RNASE11: variants seen among roughly 807,000 people sequenced by gnomAD.
RNASE11 encodes the protein ribonuclease A family member 11 (inactive).
For synonymous variants in RNASE11, 105 were observed against 86.1 expected, an observed-to-expected ratio of 1.22 and a Z score of -1.21; for missense variants, 252 against 237.8, an observed-to-expected ratio of 1.06 and a Z score of -0.39.
exon 1 of RNASE11, chr14:20,587,714 CATGAG>C (rs1884465444): frequency 1.0e-6 from 1 of 985,266 alleles, no homozygotes; most frequent in Admixed American, 6.2e-5. Flanking sequence ...TGGAAGAAGC[CATGAG>C]ATGAGTAAGC....
At chr14:20,587,678 C>T (rs1305467410) in exon 1 of RNASE11, 3 of 985,190 alleles carry the variant, frequency 3.0e-6, no homozygotes, top group African/African-American at 3.5e-5. Flanking sequence ...GAAAATGAAA[C>T]TCAGCTGAAA....
chr14:20,584,039 T>A (rs776369266), exon 2 of RNASE11: 1 of 1,614,202 alleles, frequency 6.2e-7, no homozygotes, highest in East Asian at 2.2e-5. Context: ...TCACAGCAGC[T>A]TATGCCAGGA....
At chr14:20,584,957 A>G in intron 1 of RNASE11, 1 of 514,796 alleles carries the variant, frequency 1.9e-6, no homozygotes, top group Non-Finnish European at 2.5e-6. Context: ...AAAATAAAAC[A>G]CACATTGCCA....
At chr14:20,587,778 C>T, upstream of RNASE11, 1 of 985,478 alleles carries the variant, frequency 1.0e-6, no homozygotes, top group African/African-American at 1.7e-5. Context: ...CGATTATCCC[C>T]CAACGCCCCC....
chr14:20,589,749 C>T (rs564950222), upstream of RNASE11, among the ~76,000 whole-genome samples: 3 of 151,824 alleles, frequency 2.0e-5, no homozygotes, highest in Non-Finnish European at 4.4e-5. Context: ...CAGCCGGGCG[C>T]GGTGGCACAT....
chr14:20,584,532 A>G, intron 1 of RNASE11, 36 bp from the exon 3 acceptor site: 1 of 1,491,464 alleles, frequency 6.7e-7, no homozygotes, highest in Non-Finnish European at 8.9e-7. Context: ...ATAAAATAAG[A>G]AGATTAAAGA....
exon 2 of RNASE11, chr14:20,583,926 CACTGTCAAT>C: frequency 3.7e-6 from 6 of 1,614,006 alleles, no homozygotes; most frequent in Non-Finnish European, 5.1e-6. Context: ...GACCTGTCAG[CACTGTCAAT>C]ATCTTCTCTA....
chr14:20,583,971 C>T, exon 2 of RNASE11: 2 of 1,614,174 alleles, frequency 1.2e-6, no homozygotes, highest in Admixed American at 1.7e-5. Context: ...GGTATTGGCA[C>T]CTGGGGAATT....
At chr14:20,587,676 A>G (rs1244672803) in exon 1 of RNASE11, 5 of 985,400 alleles carry the variant, frequency 5.1e-6, no homozygotes, top group Non-Finnish European at 6.0e-6. Flanking sequence ...TAGAAAATGA[A>G]ACTCAGCTGA....
intron 1 of RNASE11, 126 bp from the exon 3 acceptor site, chr14:20,584,622 G>T: frequency 1.5e-6 from 1 of 648,768 alleles, no homozygotes; most frequent in South Asian, 2.6e-5. Context: ...TCTGTGAATG[G>T]AACTATGATA....
At chr14:20,589,842 G>A (rs1361610142), upstream of RNASE11, among the ~76,000 whole-genome samples, 2 of 152,040 alleles carry the variant, frequency 1.3e-5, no homozygotes, top group African/African-American at 4.8e-5. Context: ...AGCCGAGATC[G>A]TGCCATTGCA....
chr14:20,589,165 C>CAT (rs10687252), upstream of RNASE11, among the ~76,000 whole-genome samples: 54,585 of 151,786 alleles, frequency 0.36, 10,112 homozygotes, highest in African/African-American at 0.44. Flanking sequence ...CCCTGCACTA[C>CAT]GTTTCTCACA....
chr14:20,583,997 A>G (rs200795932), exon 2 of RNASE11: 9 of 1,614,054 alleles, frequency 5.6e-6, no homozygotes, highest in Non-Finnish European at 7.6e-6. Flanking sequence ...CCTGTAGTGA[A>G]CTGGCACACT....
At chr14:20,588,693 A>G (rs1884488565), upstream of RNASE11, among the ~76,000 whole-genome samples, 1 of 152,230 alleles carries the variant, frequency 6.6e-6, no homozygotes, top group Non-Finnish European at 1.5e-5. Flanking sequence ...GCTGAGGTTA[A>G]TGAGACACTC....
At chr14:20,584,423 C>T in exon 2 of RNASE11, 1 of 1,612,656 alleles carries the variant, frequency 6.2e-7, no homozygotes, top group Non-Finnish European at 8.5e-7. Context: ...CTTTCTGATG[C>T]TTCTGCAAGA....
chr14:20,584,547 G>GAAAGAAC, intron 1 of RNASE11, 51 bp from the exon 3 acceptor site: 1 of 1,435,066 alleles, frequency 7.0e-7, no homozygotes, highest in Non-Finnish European at 9.2e-7. Context: ...TAAAGAGGTA[G>GAAAGAAC]TTCTTTCTTC....
At chr14:20,584,857 G>A (rs1884402993) in intron 1 of RNASE11, among the ~76,000 whole-genome samples, 1 of 152,104 alleles carries the variant, frequency 6.6e-6, no homozygotes, top group African/African-American at 2.4e-5. Context: ...TCCATGGTGG[G>A]TCACGATTCT....
upstream of RNASE11, chr14:20,590,062 C>T: frequency 4.4e-6 from 4 of 906,344 alleles, no homozygotes; most frequent in Non-Finnish European, 6.3e-6. Context: ...AAAATGGAAA[C>T]ACATGTAGAA....
In RNASE11 at chr14:20,587,610, G is replaced by A; in HGVS notation, c.-70C>T. The stretch of plus-strand genomic sequence containing the variant: ...CAGATGCTGAGGGCTCTGTTTACCT[G>A]GTGACACCCAAAATTCTATGGAGAC... On this transcript the variant is annotated 5_prime_UTR_variant, in exon 1 of 2. The change creates a premature stop within an existing upstream ORF in the 5' untranslated region. Coordinates refer to ENST00000553849, the Ensembl canonical transcript of RNASE11. The A allele has an allele frequency of 2.0e-6, 2 of 985,192 alleles. No individual in the cohort carries two copies. The highest frequency in any genetic ancestry group is 2.3e-4 in the East Asian group (2 of 8,814). The allele number at this position is 985,192 out of a possible 1,614,324, so 61.0% of individuals were successfully genotyped here.
Sources: gnomAD v4.1 joint callset for allele counts (sites outside exome capture counted in the v4.1 genomes callset) on GRCh38, gnomAD v4.1.1 for gene constraint, MANE v1.5 for transcripts, NCBI Gene and HGNC (gene_info 2026-07-23, HGNC 2026-07-21) for gene names.